NAP1L1: variants seen among roughly 807,000 people sequenced by gnomAD.
NAP1L1 encodes the protein nucleosome assembly protein 1 like 1.
Under a neutral mutation model 58.9 loss-of-function variants are expected in NAP1L1, and 9 were observed. The ratio of observed to expected loss-of-function variants is 0.15; its 90% CI spans 0.09 to 0.27. The LOEUF (loss-of-function observed/expected upper bound fraction) is 0.27, where lower values mean the gene tolerates loss of function less well. NAP1L1 is among the 10% of genes least tolerant of loss of function. The probability of loss-of-function intolerance (pLI) is 1.00; values close to 1 mark genes in which losing one functional copy is unlikely to be tolerated. For missense variants in NAP1L1, 302 were observed against 458.8 expected, an observed-to-expected ratio of 0.66 and a Z score of 3.12; for synonymous variants, 130 against 138.3, an observed-to-expected ratio of 0.94 and a Z score of 0.42.
At position 76,037,724 on chromosome 12, in the gene NAP1L1, A is replaced by C. The variant is rs1871082657; in HGVS notation, c.*10705T>G. 1 of 152,176 alleles carries C rather than the reference A, an allele frequency of 6.6e-6. No individual in the cohort carries two copies. The highest frequency in any genetic ancestry group is 1.5e-5 in the Non-Finnish European group (1 of 68,050). 9.4% of individuals were successfully genotyped at this position (152,176 alleles called of 1,614,324 possible). ...CCTCTGTAAACCTTTCATTCTTCAAAGCCCTATTCAAATCCCAGATTTCCT... is the reference window on the plus strand; with the variant it reads ...CCTCTGTAAACCTTTCATTCTTCAACGCCCTATTCAAATCCCAGATTTCCT... On this transcript the variant is annotated 3_prime_UTR_variant, in exon 15 of 15. Coordinates refer to ENST00000618691, the MANE Select transcript of NAP1L1 (RefSeq NM_004537.7).
intron 8 of NAP1L1, 122 bp from the exon 9 acceptor site, chr12:76,054,031 A>G (rs1297117952): frequency 7.8e-6 from 9 of 1,151,268 alleles, no homozygotes; most frequent in Non-Finnish European, 1.1e-5. Context: ...TCTACTCTGA[A>G]ATACAATCTT....
At chr12:76,066,117 TAAATAAATAAATAAATAAATAAAC>T (rs1490443444) in intron 4 of NAP1L1, among the ~76,000 whole-genome samples, 2 of 93,266 alleles carry the variant, frequency 2.1e-5, no homozygotes, top group African/African-American at 9.4e-5. Context: ...AATAAATAAA[TAAATAAATAAATAAATAAATAAAC>T]AAACAAACAA....
At chr12:76,061,115 A>G in intron 4 of NAP1L1, 1 of 388,532 alleles carries the variant, frequency 2.6e-6, no homozygotes, top group African/African-American at 2.1e-5. Context: ...AACAGCTTTG[A>G]TGAGATAAAG....
chr12:76,069,907 C>T (rs1274369464), intron 2 of NAP1L1, among the ~76,000 whole-genome samples: 1 of 151,926 alleles, frequency 6.6e-6, no homozygotes, highest in East Asian at 1.9e-4. Flanking sequence ...ATTCCTAAGT[C>T]AATGTAAAAC....
At chr12:76,054,078 G>A (rs113673004) in intron 8 of NAP1L1, among the ~76,000 whole-genome samples, 169 bp from the exon 9 acceptor site, 7 of 152,198 alleles carry the variant, frequency 4.6e-5, no homozygotes, top group East Asian at 3.9e-4. Flanking sequence ...TGCCCAGGCC[G>A]GAGTGCAGGG....
intron 1 of NAP1L1, among the ~76,000 whole-genome samples, chr12:76,082,459 G>A (rs929013833): frequency 1.3e-5 from 2 of 152,134 alleles, no homozygotes; most frequent in Admixed American, 6.5e-5. Flanking sequence ...ATAAAAATAG[G>A]CACTTTGTAG....
chr12:76,066,855 T>C (rs1007585061), intron 4 of NAP1L1, among the ~76,000 whole-genome samples: 2 of 152,064 alleles, frequency 1.3e-5, no homozygotes, highest in African/African-American at 2.4e-5. Flanking sequence ...TCTATAACAA[T>C]AGAATTTGTG....
At chr12:76,066,299 C>A (rs1487072430) in intron 4 of NAP1L1, among the ~76,000 whole-genome samples, 1 of 151,878 alleles carries the variant, frequency 6.6e-6, no homozygotes, top group African/African-American at 2.4e-5. Flanking sequence ...CCAGGAGGGA[C>A]TTCTTAAAAA....
intron 11 of NAP1L1, among the ~76,000 whole-genome samples, chr12:76,051,825 G>A (rs1948845534): frequency 1.3e-5 from 2 of 152,096 alleles, no homozygotes; most frequent in Non-Finnish European, 2.9e-5. Context: ...GACCAGCCTG[G>A]CCAACATGGT....
At chr12:76,054,062 C>A (rs542999608) in intron 8 of NAP1L1, among the ~76,000 whole-genome samples, 153 bp from the exon 9 acceptor site, 2 of 152,246 alleles carry the variant, frequency 1.3e-5, no homozygotes, top group Non-Finnish European at 2.9e-5. Flanking sequence ...CTGAGTCTTG[C>A]ATTGTTGCCC....
chr12:76,054,025 C>G lies in NAP1L1; in HGVS notation c.631-116G>C, dbSNP rs557444890. 70 of 1,168,982 alleles carry G rather than the reference C, an allele frequency of 6.0e-5. No homozygotes were observed. In the East Asian group the frequency reaches 1.8e-3, roughly 30 times the overall value. The allele number at this position is 1,168,982 out of a possible 1,614,324, so 72.4% of individuals were successfully genotyped here. The stretch of plus-strand genomic sequence containing the variant: ...TTCTAAATGATAATTTTTTTTTCTA[C>G]TCTGAAATACAATCTTCTTTTTGAG... On this transcript the variant is annotated intron_variant, in intron 8 of 14. Transcript: ENST00000618691.
Position 76,038,028 on chromosome 12 carries a change from C to T in NAP1L1, c.*10401G>A, listed in dbSNP as rs1871091351. On this transcript the variant is annotated 3_prime_UTR_variant, in exon 15 of 15. Transcript: ENST00000618691. The stretch of plus-strand genomic sequence containing the variant: ...TGTAAACTTGTTATGGTAATATTAG[C>T]TTTGAAGTGACAAACGAAAATATGG... The T allele has an allele frequency of 6.6e-6, 1 of 152,172 alleles. No individual in the cohort carries two copies. The allele number at this position is 152,172 out of a possible 1,614,324, so 9.4% of individuals were successfully genotyped here. A position where few individuals can be genotyped will look rare whatever the true frequency, so the allele number is the denominator to read the frequency against.
rs1948620400 is a variant in NAP1L1 at position 76,046,927 on chromosome 12, T to C, written c.*1502A>G. 1 of 152,476 alleles carries C rather than the reference T, an allele frequency of 6.6e-6. No individual in the cohort carries two copies. Among genetic ancestry groups the C allele is most frequent in the Non-Finnish European group, 1.5e-5 (1 of 67,940 alleles). 9.4% of individuals were successfully genotyped at this position (152,476 alleles called of 1,614,324 possible). A position where few individuals can be genotyped will look rare whatever the true frequency, so the allele number is the denominator to read the frequency against. ...ATACTATAGTGCTATCCCTGTAGTA[T>C]TTACAATACAGTCATCAAAAATATC... On this transcript the variant is annotated 3_prime_UTR_variant, in exon 15 of 15. Transcript: ENST00000618691.
At chr12:76,058,381 T>C (rs1814495090) in intron 6 of NAP1L1, among the ~76,000 whole-genome samples, 1 of 143,956 alleles carries the variant, frequency 6.9e-6, no homozygotes, top group Non-Finnish European at 1.5e-5. Context: ...TTTTGGTTAT[T>C]TGGTACTTTT....
chr12:76,073,098 G>A (rs1043569039), intron 2 of NAP1L1, among the ~76,000 whole-genome samples: 2 of 151,892 alleles, frequency 1.3e-5, no homozygotes, highest in African/African-American at 4.8e-5. Flanking sequence ...TAAAAATGCC[G>A]TTTCCACTCT....
chr12:76,070,568 T>G (rs542685981), intron 2 of NAP1L1, among the ~76,000 whole-genome samples: 1 of 152,328 alleles, frequency 6.6e-6, no homozygotes, highest in Non-Finnish European at 1.5e-5. Context: ...GTCCACAAAC[T>G]ATGCCCATGT....
chr12:76,070,678 T>C (rs1033356406), intron 2 of NAP1L1, among the ~76,000 whole-genome samples: 4 of 152,154 alleles, frequency 2.6e-5, no homozygotes, highest in Non-Finnish European at 4.4e-5. Context: ...ATCAGCAGAG[T>C]TGAGTACAGT....
At chr12:76,068,164 T>C (rs1009016638) in intron 3 of NAP1L1, among the ~76,000 whole-genome samples, 1 of 152,168 alleles carries the variant, frequency 6.6e-6, no homozygotes, top group African/African-American at 2.4e-5. Flanking sequence ...TTTTTTGAGG[T>C]CAATTTACTT....
rs1365504689 is a variant in NAP1L1, at chr12:76,045,645, T to C, written c.*2784A>G. On this transcript the variant is annotated 3_prime_UTR_variant, in exon 15 of 15. Coordinates refer to ENST00000618691, the MANE Select transcript of NAP1L1 (RefSeq NM_004537.7). ...TTGCAATCTAAAATAGTGATGCTAA[T>C]ACTGCTTCAGTAAGCTAGATTTACT... The C allele has an allele frequency of 6.6e-6, 1 of 152,106 alleles. No homozygotes were observed. Among genetic ancestry groups the C allele is most frequent in the Non-Finnish European group, 1.5e-5 (1 of 67,922 alleles). The allele number at this position is 152,106 out of a possible 1,614,324, so 9.4% of individuals were successfully genotyped here.
Sources: gnomAD v4.1 joint callset for allele counts (sites outside exome capture counted in the v4.1 genomes callset) on GRCh38, gnomAD v4.1.1 for gene constraint, MANE v1.5 for transcripts, NCBI Gene and HGNC (gene_info 2026-07-23, HGNC 2026-07-21) for gene names.